DAB1: variants seen among roughly 807,000 people sequenced by gnomAD.
DAB1 encodes the protein disabled homolog 1.
In DAB1, 15 loss-of-function variants were observed where a neutral mutation model predicts 64.6. The ratio of observed to expected loss-of-function variants is 0.23; its 90% CI spans 0.16 to 0.36. The LOEUF (loss-of-function observed/expected upper bound fraction) is 0.36, where lower values mean the gene tolerates loss of function less well. DAB1 is among the 10% of genes least tolerant of loss of function. The pLI is 1.00. For missense variants in DAB1, 596 were observed against 706.7 expected, an observed-to-expected ratio of 0.84 and a Z score of 1.78; for synonymous variants, 235 against 251.9, an observed-to-expected ratio of 0.93 and a Z score of 0.64.
At chr1:57,029,422 G>T (rs1256605964) in intron 9 of DAB1, among the ~76,000 whole-genome samples, 2 of 152,196 alleles carry the variant, frequency 1.3e-5, no homozygotes, top group Non-Finnish European at 2.9e-5. Flanking sequence ...TGTGGTCAGA[G>T]CCTCCATACA....
chr1:58,539,025 A>G (rs1646561918), intron 1 of DAB1: 1 of 872,664 alleles, frequency 1.1e-6, no homozygotes, highest in Admixed American at 1.7e-5. Flanking sequence ...TAATCCTCCA[A>G]ATTTCCTTAC....
intron 2 of DAB1, among the ~76,000 whole-genome samples, chr1:57,212,654 A>AC (rs1314063372): frequency 6.6e-6 from 1 of 152,048 alleles, no homozygotes; most frequent in Non-Finnish European, 1.5e-5. Context: ...GGTGTGAGCC[A>AC]CCGCGCCCCG....
chr1:57,305,496 G>A (rs1229436755), intron 1 of DAB1, among the ~76,000 whole-genome samples: 1 of 152,202 alleles, frequency 6.6e-6, no homozygotes, highest in Admixed American at 6.5e-5. Flanking sequence ...CCCAGAGCAG[G>A]AGAATAGGGC....
intron 6 of DAB1, among the ~76,000 whole-genome samples, chr1:57,697,236 A>C (rs930025076): frequency 5.3e-5 from 8 of 152,260 alleles, no homozygotes; most frequent in African/African-American, 1.9e-4. Flanking sequence ...TGAATGAATA[A>C]ATGAGTTGAT....
At chr1:57,975,994 G>A (rs938724550) in intron 5 of DAB1, among the ~76,000 whole-genome samples, 4 of 152,182 alleles carry the variant, frequency 2.6e-5, no homozygotes, top group Non-Finnish European at 5.9e-5. Flanking sequence ...CTTTGCTCCA[G>A]TTGGGTCACT....
At chr1:57,790,825 C>G (rs189080113) in intron 6 of DAB1, among the ~76,000 whole-genome samples, 2 of 152,206 alleles carry the variant, frequency 1.3e-5, no homozygotes, top group East Asian at 3.9e-4. Context: ...AGTTTGGGTT[C>G]CTCAATAAAC....
chr1:58,307,481 C>T (rs10158215), intron 4 of DAB1, among the ~76,000 whole-genome samples: 4 of 152,142 alleles, frequency 2.6e-5, no homozygotes, highest in Non-Finnish European at 5.9e-5. Context: ...CTAACTCAGG[C>T]TGGGGGACTG....
At chr1:57,673,732 T>C (rs1409387202) in intron 6 of DAB1, among the ~76,000 whole-genome samples, 1 of 152,190 alleles carries the variant, frequency 6.6e-6, no homozygotes, top group African/African-American at 2.4e-5. Context: ...ATTTAAAGCA[T>C]TTTACTTTTA....
At chr1:58,511,141 T>C (rs904915109) in intron 2 of DAB1, among the ~76,000 whole-genome samples, 4 of 152,250 alleles carry the variant, frequency 2.6e-5, no homozygotes, top group South Asian at 2.1e-4. Context: ...AAAATTCACA[T>C]GGAACCACAA....
At chr1:58,425,525 C>T (rs1159086384) in intron 3 of DAB1, among the ~76,000 whole-genome samples, 1 of 152,106 alleles carries the variant, frequency 6.6e-6, no homozygotes, top group Non-Finnish European at 1.5e-5. Flanking sequence ...GAGACGTCAG[C>T]AGAGAAACAG....
Position 57,292,013 on chromosome 1 carries a change from ACTAT to A in DAB1, c.-136-851_-136-848del, listed in dbSNP as rs1553164961. On this transcript the variant is annotated intron_variant, in intron 1 of 14. Transcript: ENST00000371236. ...TCTTTGATAATAGTCCTTTCTTGTG[ACTAT>A]CTGATAGTTATATCTGAGAGTTCTA... 1.6e-4 allele frequency among the ~76,000 whole-genome samples: 25 copies of A among 152,294 alleles called. No homozygotes were observed. In the East Asian group the frequency reaches 4.4e-3, roughly 27 times the overall value.
At chr1:57,152,077 G>A (rs539741361) in intron 2 of DAB1, among the ~76,000 whole-genome samples, 2 of 152,138 alleles carry the variant, frequency 1.3e-5, no homozygotes, top group Non-Finnish European at 2.9e-5. Flanking sequence ...GCCTCCCGAA[G>A]TGCTGGCATT....
chr1:58,244,262 G>A (rs561727929), intron 4 of DAB1, among the ~76,000 whole-genome samples: 66 of 152,268 alleles, frequency 4.3e-4, no homozygotes, highest in African/African-American at 1.5e-3. Context: ...TAACAATGAC[G>A]ACGACTGTAG....
intron 3 of DAB1, among the ~76,000 whole-genome samples, chr1:58,471,327 G>A (rs1410604768): frequency 1.3e-5 from 2 of 152,162 alleles, no homozygotes; most frequent in South Asian, 2.1e-4. Flanking sequence ...TTCTCAGGGA[G>A]GAAAATATTC....
chr1:57,231,036 G>A (rs1667638077), intron 2 of DAB1, among the ~76,000 whole-genome samples: 1 of 152,100 alleles, frequency 6.6e-6, no homozygotes, highest in Non-Finnish European at 1.5e-5. Context: ...TGCAATAAAT[G>A]TTAGATATTA....
intron 5 of DAB1, among the ~76,000 whole-genome samples, chr1:58,022,511 A>C (rs1646829152): frequency 6.6e-6 from 1 of 152,098 alleles, no homozygotes; most frequent in Admixed American, 6.6e-5. Flanking sequence ...TGTGCACTTC[A>C]ATAGAGGATG....
rs1652695750 is a variant in DAB1, at chr1:57,833,849, T to C, written n.88-7394A>G. On this transcript the variant is annotated intron_variant and non_coding_transcript_variant, in intron 1 of 1. Transcript: ENST00000477280. ...AAACTCATTTTGTTCAGACTTGTTT[T>C]AGCTATGGTTTAACACAGTTTAGGA... Among the ~76,000 whole-genome samples, 6 of 152,368 alleles carry C rather than the reference T, an allele frequency of 3.9e-5. No individual in the cohort carries two copies. The South Asian group carries it at 8.3e-4, about 21-fold the overall frequency.
chr1:58,520,589 C>A (rs953584768), intron 2 of DAB1, among the ~76,000 whole-genome samples: 9 of 152,250 alleles, frequency 5.9e-5, no homozygotes, highest in African/African-American at 2.2e-4. Flanking sequence ...GGGCTACACA[C>A]ACAAGAACAC....
intron 6 of DAB1, among the ~76,000 whole-genome samples, chr1:57,751,418 T>C (rs1163758222): frequency 6.6e-6 from 1 of 152,066 alleles, no homozygotes; most frequent in African/African-American, 2.4e-5. Context: ...AGGGGGCTCC[T>C]GAGCAGCAAC....
Sources: allele counts gnomAD v4.1 joint callset (sites outside exome capture counted in the v4.1 genomes callset), GRCh38; gene constraint gnomAD v4.1.1; transcripts MANE v1.5; gene names NCBI Gene and HGNC (gene_info 2026-07-23, HGNC 2026-07-21).